The following FOXO3 variants were observed in gnomAD, a reference collection of about 807,000 sequenced individuals.
FOXO3 encodes the protein forkhead box protein O3.
Under a neutral mutation model 41.9 loss-of-function variants are expected in FOXO3, and 4 were observed. The ratio of observed to expected loss-of-function variants is 0.10; its 90% CI spans 0.05 to 0.22. The LOEUF is 0.22. FOXO3 is among the 10% of genes least tolerant of loss of function. The pLI is 1.00. For synonymous variants in FOXO3, 318 were observed against 389.3 expected, an observed-to-expected ratio of 0.82 and a Z score of 2.16; for missense variants, 534 against 906.8, an observed-to-expected ratio of 0.59 and a Z score of 5.28.
intron 1 of FOXO3, among the ~76,000 whole-genome samples, chr6:108,562,479 C>G (rs1039659713): frequency 6.6e-6 from 1 of 152,170 alleles, no homozygotes; most frequent in African/African-American, 2.4e-5. Flanking sequence ...AAACCTGCTT[C>G]TGACTAGCTG....
chr6:108,581,437 A>T (rs1776417392), intron 1 of FOXO3, among the ~76,000 whole-genome samples: 1 of 152,168 alleles, frequency 6.6e-6, no homozygotes, highest in Non-Finnish European at 1.5e-5. Context: ...GGAAGAGTTA[A>T]GCCGTTACAA....
intron 1 of FOXO3, among the ~76,000 whole-genome samples, chr6:108,641,950 A>G (rs561885091): frequency 5.8e-4 from 89 of 152,324 alleles, no homozygotes; most frequent in African/African-American, 2.0e-3. Flanking sequence ...ATCATTCTGC[A>G]TATTCTGTGT....
At position 108,561,200 on chromosome 6, in the gene FOXO3, G is replaced by A. The variant is rs1271263200; in HGVS notation, c.-9G>A. On this transcript the variant is annotated 5_prime_UTR_variant, in exon 1 of 3. Coordinates refer to ENST00000406360, the MANE Select transcript of FOXO3 (RefSeq NM_001455.4). ...GAGAGCCCCAGCCGCGGGCGGGCGG[G>A]CGGCGAAGATGGCAGAGGCACCGGC... is the stretch of plus-strand genomic sequence containing the variant. The A allele has an allele frequency of 7.2e-6, 11 of 1,531,762 alleles. No individual in the cohort carries two copies. The South Asian group carries it at 8.5e-5, about 12-fold the overall frequency. The allele number at this position is 1,531,762 out of a possible 1,614,324, so 94.9% of individuals were successfully genotyped here.
chr6:108,597,246 G>A (rs1359760207), intron 1 of FOXO3, among the ~76,000 whole-genome samples: 3 of 152,184 alleles, frequency 2.0e-5, no homozygotes, highest in East Asian at 1.9e-4. Flanking sequence ...AGACCTAAGA[G>A]TGTCCCCTTG....
rs139176942 is a variant in FOXO3, at chr6:108,568,683, C to T, written c.621+6854C>T. Among the ~76,000 whole-genome samples, 271 of 152,310 alleles carry T rather than the reference C, an allele frequency of 1.8e-3. 1 individual carries two copies. Among genetic ancestry groups the T allele is most frequent in the Middle Eastern group, 6.8e-3 (2 of 294 alleles). ...GTGACTCTGAAAGGGGCTGATGTGA[C>T]TCAGGAGTGAGCTGGTGTCATGAGT... On this transcript the variant is annotated intron_variant, in intron 1 of 2. Transcript: ENST00000406360.
intron 1 of FOXO3, among the ~76,000 whole-genome samples, chr6:108,660,781 T>C (rs1189678425): frequency 6.6e-6 from 1 of 151,846 alleles, no homozygotes; most frequent in African/African-American, 2.4e-5. Flanking sequence ...CCGAGGCGGG[T>C]GGGTCACGAG....
At chr6:108,570,224 C>G (rs939881978) in intron 1 of FOXO3, among the ~76,000 whole-genome samples, 1 of 152,112 alleles carries the variant, frequency 6.6e-6, no homozygotes, top group African/African-American at 2.4e-5. Context: ...TGGTCTTGAT[C>G]TGCTGACCTC....
chr6:108,639,128 A>G (rs906720271), intron 1 of FOXO3, among the ~76,000 whole-genome samples: 2 of 152,124 alleles, frequency 1.3e-5, no homozygotes, highest in African/African-American at 4.8e-5. Context: ...TTCACTGGAG[A>G]CACCTGGAGG....
intron 1 of FOXO3, among the ~76,000 whole-genome samples, chr6:108,593,934 G>A (rs1776803568): frequency 6.6e-6 from 1 of 151,692 alleles, no homozygotes; most frequent in African/African-American, 2.4e-5. Flanking sequence ...GGCAGGGTTG[G>A]TCTTGAACGC....
intron 1 of FOXO3, among the ~76,000 whole-genome samples, chr6:108,627,243 T>A (rs1282456531): frequency 2.6e-5 from 4 of 151,990 alleles, no homozygotes; most frequent in African/African-American, 9.7e-5. Flanking sequence ...CTTGGGGCAC[T>A]GAGGTGGGAG....
intron 1 of FOXO3, among the ~76,000 whole-genome samples, chr6:108,641,745 C>G (rs1219819273): frequency 6.6e-6 from 1 of 152,068 alleles, no homozygotes; most frequent in Non-Finnish European, 1.5e-5. Flanking sequence ...ATATGAGAGA[C>G]ATCCTCAAGC....
In FOXO3 at chr6:108,664,149, C is replaced by T; in HGVS notation, c.1316C>T (p.Ser439Phe). The change falls in exon 2 of 3, where the codon TCT becomes TTT. Residue 439 changes from serine (S) to phenylalanine (F), a missense_variant. Physicochemically the swap from Ser to Phe is radical, Grantham distance 155. Around this residue, in one of 8 missense-constraint regions of FOXO3, gnomAD observed 185 missense variants for 224.9 expected, o/e 0.82. Coordinates refer to ENST00000406360, the MANE Select transcript of FOXO3 (RefSeq NM_001455.4). ...SFNSTVFGPSSLNSLRQSPMQ... is the reference protein window; with the variant it reads ...SFNSTVFGPSFLNSLRQSPMQ... Reference sequence around the variant, plus strand: ...AACAGCACGGTGTTCGGACCTTCATCTCTGAACTCCCTACGCCAGTCTCCC... The same window carrying T: ...AACAGCACGGTGTTCGGACCTTCATTTCTGAACTCCCTACGCCAGTCTCCC... 1 of 1,614,038 alleles carries T rather than the reference C, an allele frequency of 6.2e-7. No individual in the cohort carries two copies. Among genetic ancestry groups the T allele is most frequent in the Non-Finnish European group, 8.5e-7 (1 of 1,179,996 alleles).
At chr6:108,641,056 C>T (rs1186370345) in intron 1 of FOXO3, among the ~76,000 whole-genome samples, 1 of 152,040 alleles carries the variant, frequency 6.6e-6, no homozygotes, top group Non-Finnish European at 1.5e-5. Context: ...GTTACAGGTG[C>T]ACCCCACTAC....
intron 1 of FOXO3, among the ~76,000 whole-genome samples, chr6:108,612,266 ATAAT>A (rs933733591): frequency 1.3e-5 from 2 of 152,216 alleles, no homozygotes; most frequent in Non-Finnish European, 2.9e-5. Context: ...ATGTAAAAAT[ATAAT>A]TAATTGGGTT....
chr6:108,616,491 T>C (rs1249127611), intron 1 of FOXO3, among the ~76,000 whole-genome samples: 1 of 151,984 alleles, frequency 6.6e-6, no homozygotes, highest in Admixed American at 6.6e-5. Context: ...AGAAATGGGG[T>C]TTCGCTGTGT....
chr6:108,639,419 G>C (rs771547581), intron 1 of FOXO3: 133 of 321,480 alleles, frequency 4.1e-4, no homozygotes, highest in South Asian at 1.1e-3. Flanking sequence ...AGCTCAGTTT[G>C]TTGGTCACAA....
chr6:108,577,360 A>G (rs1776290400), intron 1 of FOXO3, among the ~76,000 whole-genome samples: 1 of 152,184 alleles, frequency 6.6e-6, no homozygotes, highest in African/African-American at 2.4e-5. Context: ...GATCAGCTTT[A>G]CAGAATCTAA....
intron 1 of FOXO3, among the ~76,000 whole-genome samples, chr6:108,585,022 CTTTTTTTTTTT>C (rs1159028928): frequency 6.0e-4 from 31 of 51,532 alleles, no homozygotes; most frequent in South Asian, 5.1e-3. Flanking sequence ...TCTCCAAAAT[CTTTTTTTTTTT>C]TTTTTTTTTT....
chr6:108,653,928 C>A (rs1778614344), intron 1 of FOXO3, among the ~76,000 whole-genome samples: 2 of 152,186 alleles, frequency 1.3e-5, no homozygotes, highest in African/African-American at 4.8e-5. Context: ...ATTTCAGTAG[C>A]ATGTGTTTGC....
Sources: gnomAD v4.1 joint callset for allele counts (sites outside exome capture counted in the v4.1 genomes callset) on GRCh38, gnomAD v4.1.1 for gene constraint, gnomAD v4.1.1 regional missense constraint, MANE v1.5 for transcripts, NCBI Gene and HGNC (gene_info 2026-07-23, HGNC 2026-07-21) for gene names.